The following SMARCAD1 variants were observed in gnomAD, a reference collection of about 807,000 sequenced individuals.
The protein encoded by SMARCAD1 is SNF2 related chromatin remodeling ATPase with DExD box 1.
SMARCAD1 carries 25 observed loss-of-function variants against 127.1 expected under a neutral mutation model. The observed-to-expected ratio is 0.20, with a 90% CI of 0.14 to 0.27. The LOEUF (loss-of-function observed/expected upper bound fraction) is 0.27. Among genes scored for constraint, SMARCAD1 ranks in the 10% least tolerant of loss-of-function variants. The pLI is 1.00. For synonymous variants in SMARCAD1, 400 were observed against 396.9 expected (o/e 1.01, Z -0.09); for missense variants, 807 against 1,206.0 (o/e 0.67, Z 4.90).
At chr4:94,216,499 T>C (rs527517650) in intron 2 of SMARCAD1, among the ~76,000 whole-genome samples, 1 of 152,326 alleles carries the variant, frequency 6.6e-6, no homozygotes, top group Non-Finnish European at 1.5e-5. Flanking sequence ...TCAACCATTT[T>C]TAAGTGTACA....
chr4:94,290,134 C>G lies in SMARCAD1; in HGVS notation c.*600C>G. The stretch of plus-strand genomic sequence containing the variant: ...CCCCAGGTCCTCTCAAGTACTTCTG[C>G]TGAAACAAATTTATTTGGCTAGGCA... On this transcript the variant is annotated 3_prime_UTR_variant, in exon 24 of 24. Transcript: ENST00000354268. 2.2e-6 allele frequency: 1 copy of G among 454,476 alleles called. No homozygotes were observed. The highest frequency in any genetic ancestry group is 1.6e-5 in the South Asian group (1 of 64,472). The allele number at this position is 454,476 out of a possible 1,614,324, so 28.2% of individuals were successfully genotyped here.
intron 21 of SMARCAD1, among the ~76,000 whole-genome samples, chr4:94,282,035 A>G (rs958213518): frequency 4.7e-5 from 7 of 150,382 alleles, no homozygotes; most frequent in African/African-American, 1.5e-4. Context: ...GCGGGACCCT[A>G]TCTCAAAAAA....
In SMARCAD1 at chr4:94,234,215, A is replaced by T. The variant is rs1331560873; in HGVS notation, c.537+93A>T. 5 of 1,147,804 alleles carry T rather than the reference A, an allele frequency of 4.4e-6. No individual in the cohort carries two copies. The East Asian group carries it at 7.8e-5, about 18-fold the overall frequency. 71.1% of individuals were successfully genotyped at this position (1,147,804 alleles called of 1,614,324 possible). On this transcript the variant is annotated intron_variant, in intron 4 of 23. Coordinates refer to ENST00000354268, the MANE Select transcript of SMARCAD1 (RefSeq NM_020159.5). Reference sequence around the variant, plus strand: ...GTAGTGGATAGTCATTTTTCTAAAGATATCTTACGTTTGAAGATATTAACT... The same window carrying T: ...GTAGTGGATAGTCATTTTTCTAAAGTTATCTTACGTTTGAAGATATTAACT...
Position 94,216,528 on chromosome 4 carries a change from A to G in SMARCAD1, c.190+7944A>G, listed in dbSNP as rs1199475635. ...GTGTACAGTTCAGTACATTCAGTTC[A>G]ATACATATACATTGTCATGCAACTA... On this transcript the variant is annotated intron_variant, in intron 2 of 23. Coordinates refer to ENST00000354268, the MANE Select transcript of SMARCAD1 (RefSeq NM_020159.5). 2.0e-5 allele frequency among the ~76,000 whole-genome samples: 3 copies of G among 152,176 alleles called. No individual in the cohort carries two copies. In the East Asian group the frequency reaches 5.8e-4, roughly 29 times the overall value.
At chr4:94,269,890 C>G (rs77128337) in intron 10 of SMARCAD1, among the ~76,000 whole-genome samples, 1 of 151,760 alleles carries the variant, frequency 6.6e-6, no homozygotes, top group Non-Finnish European at 1.5e-5. Context: ...CCAGGCTGGT[C>G]GCGAACTCCT....
intron 9 of SMARCAD1, among the ~76,000 whole-genome samples, chr4:94,261,411 G>A (rs1750965056): frequency 1.3e-5 from 2 of 152,122 alleles, no homozygotes; most frequent in African/African-American, 4.8e-5. Context: ...TTGTGAATAT[G>A]TTATTAGATG....
intron 21 of SMARCAD1, 80 bp downstream of exon 21, chr4:94,281,670 T>TG (rs2126000664): frequency 1.1e-6 from 1 of 944,738 alleles, no homozygotes; most frequent in East Asian, 2.5e-5. Context: ...AACAAACAAT[T>TG]GATAGTATTT....
At chr4:94,219,226 A>G (rs1743697038) in intron 2 of SMARCAD1, among the ~76,000 whole-genome samples, 2 of 152,180 alleles carry the variant, frequency 1.3e-5, no homozygotes, top group African/African-American at 4.8e-5. Flanking sequence ...AGAGCAATAC[A>G]TGATTTGAAT....
chr4:94,281,814 A>G (rs1370571931), intron 21 of SMARCAD1, among the ~76,000 whole-genome samples: 3 of 151,962 alleles, frequency 2.0e-5, no homozygotes, highest in Non-Finnish European at 4.4e-5. Flanking sequence ...TGGGCTCAGG[A>G]GTTCAAGACT....
At chr4:94,219,648 A>T (rs1743777853) in intron 2 of SMARCAD1, among the ~76,000 whole-genome samples, 1 of 152,230 alleles carries the variant, frequency 6.6e-6, no homozygotes, top group Non-Finnish European at 1.5e-5. Context: ...ATATGCTAAT[A>T]ATGTAAGTTC....
intron 6 of SMARCAD1, among the ~76,000 whole-genome samples, chr4:94,243,975 A>G (rs909304442): frequency 1.6e-4 from 25 of 152,240 alleles, no homozygotes; most frequent in African/African-American, 4.6e-4. Context: ...ACATAACGAT[A>G]CATCCCAAGC....
chr4:94,249,355 T>G (rs1326165785), intron 6 of SMARCAD1, among the ~76,000 whole-genome samples: 1 of 150,462 alleles, frequency 6.6e-6, no homozygotes, highest in Admixed American at 6.6e-5. Context: ...TGAATTATAT[T>G]GAGTTAATTT....
At chr4:94,223,136 A>G (rs114911946) in intron 2 of SMARCAD1, among the ~76,000 whole-genome samples, 1,589 of 152,188 alleles carry the variant, frequency 0.01, 24 homozygotes, top group African/African-American at 0.036. Context: ...TGAAAAGATT[A>G]TTCTTCATTT....
chr4:94,280,873 A>G (rs974719304), intron 20 of SMARCAD1, 93 bp downstream of exon 20: 5 of 1,191,572 alleles, frequency 4.2e-6, no homozygotes, highest in Middle Eastern at 2.7e-4. Flanking sequence ...GAATTAGCCT[A>G]TGTCTGTTCT....
intron 6 of SMARCAD1, among the ~76,000 whole-genome samples, chr4:94,244,311 A>G (rs757302727): frequency 3.3e-5 from 5 of 152,234 alleles, no homozygotes; most frequent in Admixed American, 6.5e-5. Context: ...CCTACAAACA[A>G]TGCTACAGTT....
chr4:94,264,025 T>C (rs1751386862), intron 9 of SMARCAD1, among the ~76,000 whole-genome samples: 1 of 151,804 alleles, frequency 6.6e-6, no homozygotes, highest in African/African-American at 2.4e-5. Flanking sequence ...ATTCTGTGAG[T>C]TTTCACAGAG....
At chr4:94,234,661 G>T (rs1746359096) in intron 4 of SMARCAD1, among the ~76,000 whole-genome samples, 1 of 152,182 alleles carries the variant, frequency 6.6e-6, no homozygotes, top group African/African-American at 2.4e-5. Flanking sequence ...AATAAAAATT[G>T]ACCAATTTAG....
intron 9 of SMARCAD1, among the ~76,000 whole-genome samples, chr4:94,258,855 A>G (rs773104613): frequency 4.6e-5 from 7 of 152,224 alleles, no homozygotes; most frequent in Middle Eastern, 3.2e-3. Flanking sequence ...AATAATTTGC[A>G]TTGCAAGTGT....
At chr4:94,224,441 A>G (rs1744683294) in intron 2 of SMARCAD1, among the ~76,000 whole-genome samples, 1 of 152,338 alleles carries the variant, frequency 6.6e-6, no homozygotes, top group Admixed American at 6.5e-5. Context: ...ATGGAACCCA[A>G]GTCTAAAACC....
Sources: allele counts gnomAD v4.1 joint callset (sites outside exome capture counted in the v4.1 genomes callset), GRCh38; gene constraint gnomAD v4.1.1; transcripts MANE v1.5; gene names NCBI Gene and HGNC (gene_info 2026-07-23, HGNC 2026-07-21).